The following SCN3A variants were observed in gnomAD, a reference collection of about 807,000 sequenced individuals.
The protein encoded by SCN3A is sodium channel protein type 3 subunit alpha.
A neutral mutation model predicts 187.6 loss-of-function variants in SCN3A; 60 were observed. The ratio of observed to expected loss-of-function variants is 0.32; its 90% confidence interval spans 0.26 to 0.40. The LOEUF (loss-of-function observed/expected upper bound fraction) is 0.40. SCN3A is among the 10% of genes least tolerant of loss of function. The probability of loss-of-function intolerance (pLI) is 1.00; values close to 1 mark genes in which losing one functional copy is unlikely to be tolerated. For missense variants in SCN3A, 1,601 were observed against 2,428.2 expected, an observed-to-expected ratio of 0.66 and a Z score of 7.16; for synonymous variants, 788 against 829.2, an observed-to-expected ratio of 0.95 and a Z score of 0.85.
intron 1 of SCN3A, among the ~76,000 whole-genome samples, chr2:165,203,352 C>T (rs1324603758): frequency 1.3e-5 from 2 of 151,834 alleles, no homozygotes; most frequent in Admixed American, 1.3e-4. Context: ...AAGCCAAACA[C>T]CTCTATATTG....
Position 165,091,144 on chromosome 2 carries a change from G to C in SCN3A, c.5009C>G (p.Ala1670Gly). Residue 1670 changes from alanine to glycine, a missense_variant, in exon 28 of 28, where the codon GCC becomes GGC. Physicochemically the swap from Ala to Gly is moderately conservative, Grantham distance 60. Around this residue, in one of 11 missense-constraint regions of SCN3A, gnomAD observed 320 missense variants for 623.2 expected, o/e 0.51. Coordinates refer to ENST00000283254, the MANE Select transcript of SCN3A (RefSeq NM_006922.4). ...GGCAAAGTTGGACATCCCAAAGATG[G>C]CATAGATAAACATGACCAGGAAGAG... The part of the protein sequence containing the change: ...LLLFLVMFIY[A>G]IFGMSNFAYV... 6.2e-7 allele frequency: 1 copy of C among 1,614,074 alleles called. No homozygotes were observed.
chr2:165,114,186 A>G (rs1329305891), intron 19 of SCN3A, among the ~76,000 whole-genome samples: 3 of 152,104 alleles, frequency 2.0e-5, no homozygotes, highest in Non-Finnish European at 4.4e-5. Flanking sequence ...GAAATATTTT[A>G]TCTAGATTTG....
intron 21 of SCN3A, among the ~76,000 whole-genome samples, chr2:165,102,989 G>A (rs1046086479): frequency 6.6e-6 from 1 of 152,082 alleles, no homozygotes; most frequent in Non-Finnish European, 1.5e-5. Flanking sequence ...CGCAAATTAC[G>A]ATAAGATTAT....
chr2:165,096,598 T>A, intron 23 of SCN3A, 78 bp from the exon 24 acceptor site: 1 of 970,386 alleles, frequency 1.0e-6, no homozygotes. Flanking sequence ...AATCTGACAG[T>A]ATTATAACAA....
At chr2:165,139,646 C>A in intron 13 of SCN3A, 38 bp from the exon 14 acceptor site, 4 of 1,612,520 alleles carry the variant, frequency 2.5e-6, no homozygotes, top group Non-Finnish European at 3.4e-6. Context: ...CCACTCTTCC[C>A]AATAAGTAAT....
chr2:165,125,612 C>A (rs1242735279), intron 18 of SCN3A, among the ~76,000 whole-genome samples: 1 of 152,176 alleles, frequency 6.6e-6, no homozygotes, highest in East Asian at 1.9e-4. Context: ...CTACCGCACC[C>A]AGCCAGGATT....
chr2:165,164,890 G>A (rs1689643153), intron 5 of SCN3A, among the ~76,000 whole-genome samples: 1 of 152,088 alleles, frequency 6.6e-6, no homozygotes, highest in South Asian at 2.1e-4. Context: ...AAGATGAGAA[G>A]AAGCAAGTCA....
chr2:165,127,869 T>C lies in SCN3A; in HGVS notation c.3155A>G (p.Asn1052Ser), dbSNP rs1208100999. 1 of 1,614,180 alleles carries C rather than the reference T, an allele frequency of 6.2e-7. No individual in the cohort carries two copies. The highest frequency in any genetic ancestry group is 1.7e-5 in the Admixed American group (1 of 60,032). ...GNKIDSCMSN[N>S]TGIEISKELN... ...CTCTTTGCTTATTTCAATTCCAGTA[T>C]TATTGGACATGCAGCTGTCTATCTT... Residue 1052 changes from asparagine (N) to serine (S), a missense_variant, in exon 18 of 28, where the codon AAT becomes AGT. Transcript: ENST00000283254.
chr2:165,095,415 T>C, intron 25 of SCN3A, 96 bp downstream of exon 25: 1 of 1,269,926 alleles, frequency 7.9e-7, no homozygotes, highest in South Asian at 1.2e-5. Context: ...ATAAACATGA[T>C]TTAAGTCTGT....
intron 21 of SCN3A, among the ~76,000 whole-genome samples, chr2:165,105,012 C>T (rs987975397): frequency 3.9e-5 from 6 of 152,044 alleles, no homozygotes; most frequent in Admixed American, 2.0e-4. Flanking sequence ...CAGCAGAAAC[C>T]CAGGTGCCTG....
In SCN3A at chr2:165,174,319, T is replaced by C. The variant is rs527974451; in HGVS notation, c.264+1812A>G. 3.3e-5 allele frequency among the ~76,000 whole-genome samples: 5 copies of C among 152,292 alleles called. No homozygotes were observed. The East Asian group carries it at 9.6e-4, about 29-fold the overall frequency. Reference sequence around the variant, plus strand: ...CAAGCAGGTTTAGGGGAAAACAAATTGTAGTCAGAAGGTTTCTTGCTGAAT... The same window carrying C: ...CAAGCAGGTTTAGGGGAAAACAAATCGTAGTCAGAAGGTTTCTTGCTGAAT... On this transcript the variant is annotated intron_variant, in intron 3 of 27. Coordinates refer to ENST00000283254, the MANE Select transcript of SCN3A (RefSeq NM_006922.4).
rs1167476104 is a variant in SCN3A at position 165,100,387 on chromosome 2, T to C, written c.3881A>G (p.Tyr1294Cys). ...LVSLVANALG[Y>C]SELGAIKSLR... ...TGATTTGATGGCACCGAGTTCTGAG[T>C]AGCCAAGAGCATTGGCTACCAGGCT... is the stretch of plus-strand genomic sequence containing the variant. The change falls in exon 22 of 28, where the codon TAC (tyrosine) becomes TGC (cysteine). Residue 1294 changes from tyrosine (Y) to cysteine (C), a missense_variant. Around this residue, in one of 11 missense-constraint regions of SCN3A, gnomAD observed 320 missense variants for 623.2 expected, o/e 0.51. Transcript: ENST00000283254. The C allele has an allele frequency of 6.2e-7, 1 of 1,613,688 alleles. No individual in the cohort carries two copies. The highest frequency in any genetic ancestry group is 8.5e-7 in the Non-Finnish European group (1 of 1,179,842).
At chr2:165,153,907 C>A (rs952131515) in intron 11 of SCN3A, among the ~76,000 whole-genome samples, 5 of 150,284 alleles carry the variant, frequency 3.3e-5, no homozygotes, top group African/African-American at 9.8e-5. Flanking sequence ...GCTCACACAG[C>A]CTTTAATATT....
At chr2:165,129,164 C>G (rs929556390) in intron 17 of SCN3A, among the ~76,000 whole-genome samples, 2 of 152,024 alleles carry the variant, frequency 1.3e-5, no homozygotes, top group Non-Finnish European at 2.9e-5. Context: ...GAAATGTATC[C>G]CTCAAAGGAA....
chr2:165,180,006 T>C (rs1690738224), intron 2 of SCN3A, among the ~76,000 whole-genome samples: 1 of 152,064 alleles, frequency 6.6e-6, no homozygotes, highest in South Asian at 2.1e-4. Context: ...TAAAATTTAA[T>C]ATATCAAATT....
Position 165,095,500 on chromosome 2 carries a change from A to G in SCN3A, c.4431+11T>C. 1 of 1,611,636 alleles carries G rather than the reference A, an allele frequency of 6.2e-7. No individual in the cohort carries two copies. The highest frequency in any genetic ancestry group is 8.5e-7 in the Non-Finnish European group (1 of 1,178,170). ...CAGAATGAAGAAAGGTAAAAGCTAAAGAATACTTATCTTCTTTTTCTGCTG... is the reference window on the plus strand; with the variant it reads ...CAGAATGAAGAAAGGTAAAAGCTAAGGAATACTTATCTTCTTTTTCTGCTG... On this transcript the variant is annotated intron_variant, in intron 25 of 27. Transcript: ENST00000283254.
chr2:165,176,288 T>A lies in SCN3A; in HGVS notation c.107A>T (p.Lys36Met), dbSNP rs759723991. The change falls in exon 3 of 28, where the codon AAG becomes ATG. Residue 36 changes from lysine (K) to methionine (M), a missense_variant. Physicochemically the swap from Lys to Met is moderately conservative, Grantham distance 95 (BLOSUM62 -1). Transcript: ENST00000283254. ...EKRAAEEKAK[K>M]PKKEQDNDDE... ...ATCATTATCTTGTTCCTTTTTGGGC[T>A]TCTTGGCTTTCTCTTCTGCAGCACG... 1 of 1,614,180 alleles carries A rather than the reference T, an allele frequency of 6.2e-7. No individual in the cohort carries two copies. The highest frequency in any genetic ancestry group is 2.2e-5 in the East Asian group (1 of 44,882).
chr2:165,164,777 T>A (rs566589819), intron 5 of SCN3A, among the ~76,000 whole-genome samples: 25 of 152,268 alleles, frequency 1.6e-4, no homozygotes, highest in Non-Finnish European at 3.2e-4. Context: ...GTTTCATGTA[T>A]CTTATGGATA....
intron 12 of SCN3A, among the ~76,000 whole-genome samples, chr2:165,146,011 T>C: frequency 6.6e-6 from 1 of 152,136 alleles, no homozygotes; most frequent in Non-Finnish European, 1.5e-5. Context: ...TTTTACTCTT[T>C]TACTTAAAAC....
Sources: allele counts gnomAD v4.1 joint callset (sites outside exome capture counted in the v4.1 genomes callset), GRCh38; gene constraint gnomAD v4.1.1; regional missense constraint gnomAD v4.1.1; transcripts MANE v1.5; gene names NCBI Gene and HGNC (gene_info 2026-07-23, HGNC 2026-07-21).